AGMO: variants seen among roughly 807,000 people sequenced by gnomAD.
AGMO encodes the protein glyceryl-ether monooxygenase.
Under a neutral mutation model 60.2 loss-of-function variants are expected in AGMO, and 75 were observed. That is an observed-to-expected ratio of 1.25 (90% CI 1.03 to 1.51). The LOEUF is 1.51. Among genes scored for constraint, AGMO ranks in the 40% most tolerant of loss-of-function variants. The pLI is 0.00. For synonymous variants in AGMO, 261 were observed against 177.1 expected (o/e 1.47, Z -3.76); for missense variants, 763 against 525.5 (o/e 1.45, Z -4.42).
chr7:15,298,432 T>C (rs1474177484), intron 12 of AGMO, among the ~76,000 whole-genome samples: 3 of 152,260 alleles, frequency 2.0e-5, no homozygotes, highest in East Asian at 1.9e-4. Context: ...TCTCACTCTG[T>C]CACCAAGGTT....
At chr7:15,284,892 G>A (rs1019669698) in intron 12 of AGMO, among the ~76,000 whole-genome samples, 2 of 151,958 alleles carry the variant, frequency 1.3e-5, no homozygotes, top group Non-Finnish European at 2.9e-5. Context: ...GATCAAGTGG[G>A]TTTCATTACA....
the AGMO span, among the ~76,000 whole-genome samples, chr7:15,154,510 T>C: frequency 5.5e-3 from 843 of 152,308 alleles, 10 homozygotes; most frequent in African/African-American, 0.019. Flanking sequence ...GCATCTGAGA[T>C]AGGTCTCTTC....
chr7:15,498,351 A>AT (rs368996624), intron 3 of AGMO, among the ~76,000 whole-genome samples: 1 of 151,980 alleles, frequency 6.6e-6, no homozygotes, highest in East Asian at 1.9e-4. Context: ...AAGTCTAACT[A>AT]TTTTTTGCAT....
intron 10 of AGMO, among the ~76,000 whole-genome samples, chr7:15,371,221 GTTTTA>G (rs796538588): frequency 3.3e-5 from 5 of 152,002 alleles, no homozygotes; most frequent in Middle Eastern, 3.4e-3. Context: ...TAATAACAAT[GTTTTA>G]TTTTATTTTT....
At chr7:15,362,907 T>A (rs549719926) in intron 12 of AGMO, among the ~76,000 whole-genome samples, 1 of 152,222 alleles carries the variant, frequency 6.6e-6, no homozygotes, top group Non-Finnish European at 1.5e-5. Context: ...AAATGTACCT[T>A]GATCATTAAG....
the AGMO span, among the ~76,000 whole-genome samples, chr7:15,180,886 C>T: frequency 6.6e-6 from 1 of 152,182 alleles, no homozygotes; most frequent in African/African-American, 2.4e-5. Flanking sequence ...AGGGCACCAG[C>T]ATCTGGCAAA....
intron 12 of AGMO, among the ~76,000 whole-genome samples, chr7:15,289,007 G>A (rs1322752527): frequency 6.6e-6 from 1 of 151,746 alleles, no homozygotes; most frequent in Non-Finnish European, 1.5e-5. Context: ...TCTATTACCT[G>A]ACATTTTTGG....
At chr7:15,509,317 G>T (rs1459843869) in intron 3 of AGMO, among the ~76,000 whole-genome samples, 3 of 151,688 alleles carry the variant, frequency 2.0e-5, no homozygotes. Flanking sequence ...ATACACAATG[G>T]GGAAAGAACA....
chr7:15,533,764 C>T (rs981114201), intron 3 of AGMO, among the ~76,000 whole-genome samples: 7 of 152,242 alleles, frequency 4.6e-5, no homozygotes, highest in Non-Finnish European at 1.0e-4. Flanking sequence ...TAACTACCAC[C>T]TGCACATCTG....
At chr7:15,441,383 G>A (rs758684577) in intron 3 of AGMO, among the ~76,000 whole-genome samples, 6 of 152,132 alleles carry the variant, frequency 3.9e-5, no homozygotes, top group African/African-American at 1.2e-4. Context: ...ATCGAATTCT[G>A]GTGCACTTTG....
chr7:15,270,199 TAGAGG>T (rs1563063013), intron 12 of AGMO, among the ~76,000 whole-genome samples: 7 of 152,092 alleles, frequency 4.6e-5, no homozygotes, highest in African/African-American at 1.4e-4. Flanking sequence ...CTGTTTTTCA[TAGAGG>T]TTGTACTAAT....
chr7:15,495,835 TCTCTCTC>T lies in AGMO; in HGVS notation c.409+48930_409+48936del, dbSNP rs757210416. On this transcript the variant is annotated intron_variant, in intron 3 of 12. Transcript: ENST00000342526. ...GGGATGGAGACTCTCTCTCTCTCTC[TCTCTCTC>T]CTCTCTCTCTCCTCTCTCTCTCTCC... Among the ~76,000 whole-genome samples the T allele has an allele frequency of 2.8e-3, 383 of 136,154 alleles. 3 individuals carry two copies. The East Asian group carries it at 0.03, about 11-fold the overall frequency. 89.3% of individuals were successfully genotyped at this position (136,154 alleles called of 152,430 possible). A position where few individuals can be genotyped will look rare whatever the true frequency, so the allele number is the denominator to read the frequency against.
chr7:15,325,454 T>TA (rs71004374), intron 12 of AGMO, among the ~76,000 whole-genome samples: 3 of 152,006 alleles, frequency 2.0e-5, no homozygotes, highest in East Asian at 1.9e-4. Context: ...AGCTTATTTT[T>TA]AATTATTTTC....
intron 12 of AGMO, among the ~76,000 whole-genome samples, chr7:15,296,800 C>T (rs1784419580): frequency 6.6e-6 from 1 of 152,126 alleles, no homozygotes; most frequent in African/African-American, 2.4e-5. Context: ...GACCAAATAA[C>T]TTGCTGCAGT....
intron 12 of AGMO, among the ~76,000 whole-genome samples, chr7:15,354,666 A>G (rs911940352): frequency 4.3e-5 from 6 of 138,690 alleles, no homozygotes; most frequent in Non-Finnish European, 9.5e-5. Context: ...GAAAGAAAAC[A>G]ATTTTTTAAG....
chr7:15,399,559 T>G (rs1030453021), intron 5 of AGMO, among the ~76,000 whole-genome samples: 1 of 152,168 alleles, frequency 6.6e-6, no homozygotes, highest in African/African-American at 2.4e-5. Context: ...AGTAACATCA[T>G]AAATATATAA....
At chr7:15,523,248 T>C (rs993525804) in intron 3 of AGMO, among the ~76,000 whole-genome samples, 10 of 152,202 alleles carry the variant, frequency 6.6e-5, no homozygotes, top group Non-Finnish European at 1.5e-4. Context: ...TGTAAATTAG[T>C]TCATCCATTG....
intron 5 of AGMO, among the ~76,000 whole-genome samples, chr7:15,405,512 G>A (rs1784662928): frequency 6.6e-6 from 1 of 151,872 alleles, no homozygotes; most frequent in African/African-American, 2.4e-5. Context: ...ATCTTGATAA[G>A]CATTCACATT....
chr7:15,240,708 T>A (rs1322852158), intron 12 of AGMO, among the ~76,000 whole-genome samples: 4 of 152,166 alleles, frequency 2.6e-5, no homozygotes, highest in African/African-American at 7.2e-5. Context: ...AAAATTATAA[T>A]CTATAGGGCA....
Sources: allele counts gnomAD v4.1 joint callset (sites outside exome capture counted in the v4.1 genomes callset), GRCh38; gene constraint gnomAD v4.1.1; transcripts MANE v1.5; gene names NCBI Gene and HGNC (gene_info 2026-07-23, HGNC 2026-07-21).